PKIB: variants seen among roughly 807,000 people sequenced by gnomAD.
PKIB encodes PKI-beta.
A neutral mutation model predicts 4.5 loss-of-function variants in PKIB; 2 were observed. The ratio of observed to expected loss-of-function variants is 0.44; its 90% CI spans 0.18 to 1.39. PKIB has a LOEUF of 1.39. Ranked by LOEUF, PKIB falls within the 40% of genes most tolerant of loss-of-function variation. The pLI is 0.27. For missense variants in PKIB, 94 were observed against 92.6 expected (o/e 1.02, Z -0.06); for synonymous variants, 38 against 36.0 (o/e 1.06, Z -0.20).
chr6:122,709,929 A>G (rs1316199206), intron 3 of PKIB, among the ~76,000 whole-genome samples: 1 of 152,166 alleles, frequency 6.6e-6, no homozygotes, highest in Non-Finnish European at 1.5e-5. Flanking sequence ...ATTTGCCATT[A>G]GTCTACAGCC....
intron 3 of PKIB, among the ~76,000 whole-genome samples, chr6:122,706,699 A>C (rs368986650): frequency 6.6e-6 from 1 of 152,278 alleles, no homozygotes; most frequent in East Asian, 1.9e-4. Context: ...GTGTAGAATC[A>C]CATGAACAAA....
At chr6:122,710,724 CCTTA>C (rs1448489605) in intron 3 of PKIB, among the ~76,000 whole-genome samples, 17 of 152,288 alleles carry the variant, frequency 1.1e-4, no homozygotes, top group African/African-American at 3.8e-4. Context: ...CATGGGAAGA[CCTTA>C]CTTACTGTGC....
At chr6:122,641,369 G>A (rs1228275352) in intron 2 of PKIB, among the ~76,000 whole-genome samples, 3 of 152,100 alleles carry the variant, frequency 2.0e-5, no homozygotes, top group South Asian at 4.1e-4. Flanking sequence ...ATGGATAGCA[G>A]AACGTTATTG....
intron 2 of PKIB, among the ~76,000 whole-genome samples, chr6:122,536,901 C>CTT (rs532464253): frequency 7.2e-6 from 1 of 138,900 alleles, no homozygotes. Context: ...TCCTTTCTGT[C>CTT]TTTTTTTTTT....
At chr6:122,620,805 A>G (rs1236798737) in intron 1 of PKIB, among the ~76,000 whole-genome samples, 1 of 152,136 alleles carries the variant, frequency 6.6e-6, no homozygotes, top group African/African-American at 2.4e-5. Flanking sequence ...TAAAAATTGA[A>G]ATACCTTTTT....
intron 2 of PKIB, among the ~76,000 whole-genome samples, chr6:122,565,784 CA>C (rs910206298): frequency 1.1e-4 from 17 of 152,290 alleles, no homozygotes; most frequent in Admixed American, 7.9e-4. Context: ...GTGAAAGTGA[CA>C]GCAACCCAAT....
At chr6:122,501,642 G>T (rs1247702228) in intron 2 of PKIB, among the ~76,000 whole-genome samples, 5 of 152,196 alleles carry the variant, frequency 3.3e-5, no homozygotes, top group Non-Finnish European at 1.5e-5. Context: ...GAGCAGTGGG[G>T]CCCTGAGTCT....
intron 2 of PKIB, among the ~76,000 whole-genome samples, chr6:122,577,605 T>A (rs1232611005): frequency 1.3e-5 from 2 of 151,980 alleles, no homozygotes; most frequent in African/African-American, 4.8e-5. Context: ...TCATTTTATA[T>A]GGGGAAGAAA....
chr6:122,542,115 G>T (rs1018463083), intron 2 of PKIB, among the ~76,000 whole-genome samples: 1 of 151,654 alleles, frequency 6.6e-6, no homozygotes, highest in Non-Finnish European at 1.5e-5. Context: ...TAACTTCTTT[G>T]CCATTGGTTT....
chr6:122,671,667 G>A (rs962557222), intron 2 of PKIB, among the ~76,000 whole-genome samples: 1 of 152,004 alleles, frequency 6.6e-6, no homozygotes, highest in Non-Finnish European at 1.5e-5. Context: ...ACAAGTTCAG[G>A]GTTAAATCTG....
chr6:122,548,262 A>C (rs530532696), intron 2 of PKIB, among the ~76,000 whole-genome samples: 39 of 152,236 alleles, frequency 2.6e-4, no homozygotes, highest in Non-Finnish European at 4.4e-4. Context: ...ATATGAAAAT[A>C]ACCTTTGTGA....
intron 2 of PKIB, among the ~76,000 whole-genome samples, chr6:122,565,597 G>GT (rs1773166562): frequency 6.6e-6 from 1 of 152,134 alleles, no homozygotes; most frequent in African/African-American, 2.4e-5. Flanking sequence ...AGTATGACAG[G>GT]TAACAGTTTA....
chr6:122,534,142 A>AT (rs890625618), intron 2 of PKIB, among the ~76,000 whole-genome samples: 21 of 148,412 alleles, frequency 1.4e-4, no homozygotes, highest in African/African-American at 5.1e-4. Context: ...GGTATATTAT[A>AT]TTTTTTATAT....
intron 2 of PKIB, among the ~76,000 whole-genome samples, chr6:122,512,743 ACATTT>A (rs1776625170): frequency 6.6e-6 from 1 of 152,194 alleles, no homozygotes; most frequent in African/African-American, 2.4e-5. Context: ...ATATTCCTTG[ACATTT>A]AAAATTAGAA....
intron 2 of PKIB, among the ~76,000 whole-genome samples, chr6:122,653,703 G>A (rs1776660884): frequency 6.6e-6 from 1 of 151,680 alleles, no homozygotes; most frequent in African/African-American, 2.4e-5. Context: ...GCTCCCGCCT[G>A]TAATCCCAGC....
intron 3 of PKIB, among the ~76,000 whole-genome samples, chr6:122,599,648 T>C (rs1171575640): frequency 6.6e-6 from 1 of 152,206 alleles, no homozygotes; most frequent in African/African-American, 2.4e-5. Flanking sequence ...AGCTTCATTA[T>C]GTTCCTTGGT....
At chr6:122,575,953 A>G (rs901327314) in intron 2 of PKIB, among the ~76,000 whole-genome samples, 3 of 152,220 alleles carry the variant, frequency 2.0e-5, no homozygotes, top group African/African-American at 7.2e-5. Flanking sequence ...ATGAATCTCA[A>G]AAGCATTACT....
chr6:122,687,734 C>T (rs1449234438), intron 3 of PKIB, among the ~76,000 whole-genome samples: 1 of 151,942 alleles, frequency 6.6e-6, no homozygotes, highest in Non-Finnish European at 1.5e-5. Flanking sequence ...AATGAAATTA[C>T]TTTTTTGATT....
chr6:122,664,173 T>C (rs1777126237), intron 2 of PKIB, among the ~76,000 whole-genome samples: 1 of 152,166 alleles, frequency 6.6e-6, no homozygotes, highest in South Asian at 2.1e-4. Context: ...CAGAGATTGA[T>C]TGATGTTTGA....
Sources: allele counts gnomAD v4.1 joint callset (sites outside exome capture counted in the v4.1 genomes callset), GRCh38; gene constraint gnomAD v4.1.1; transcripts MANE v1.5; gene names NCBI Gene and HGNC (gene_info 2026-07-23, HGNC 2026-07-21).